The following CALN1 variants were observed in gnomAD, a reference collection of about 807,000 sequenced individuals.
CALN1 encodes the protein calneuron 1.
CALN1 carries 17 observed loss-of-function variants against 30.6 expected under a neutral mutation model. That is an observed-to-expected ratio of 0.56 (90% CI 0.38 to 0.83). CALN1 has a LOEUF of 0.83. CALN1 is among the 40% of genes least tolerant of loss of function. The probability of loss-of-function intolerance (pLI) is 0.00; values close to 1 mark genes in which losing one functional copy is unlikely to be tolerated. For missense variants in CALN1, 291 were observed against 354.9 expected (o/e 0.82, Z 1.45); for synonymous variants, 156 against 131.4 (o/e 1.19, Z -1.28).
At chr7:72,411,898 A>C (rs1807186785) in intron 1 of CALN1, among the ~76,000 whole-genome samples, 160 bp downstream of exon 1, 1 of 152,220 alleles carries the variant, frequency 6.6e-6, no homozygotes, top group African/African-American at 2.4e-5. Context: ...TCTTTTAGAG[A>C]GGTATCATAA....
chr7:72,413,536 C>A (rs1048164267), upstream of CALN1, among the ~76,000 whole-genome samples: 1 of 151,772 alleles, frequency 6.6e-6, no homozygotes, highest in African/African-American at 2.4e-5. Context: ...AACACGCACA[C>A]TCACAAGCTC....
At chr7:71,970,579 T>C (rs1189980997) in intron 5 of CALN1, among the ~76,000 whole-genome samples, 4 of 151,046 alleles carry the variant, frequency 2.6e-5, no homozygotes, top group Non-Finnish European at 4.4e-5. Flanking sequence ...ATCTGCAAAA[T>C]ATACCTTTTT....
In CALN1 at chr7:72,233,276, A is replaced by AG. The variant is rs1290703135; in HGVS notation, c.244+45409dup. On this transcript the variant is annotated intron_variant, in intron 3 of 6. Coordinates refer to ENST00000395275, the MANE Select transcript of CALN1 (RefSeq NM_031468.4). Reference sequence around the variant, plus strand: ...AAGGACCCACTGCAGGGTTGGAAGGAGGAAAAAAAGCAACCCCAAGGACAG... The same window carrying AG: ...AAGGACCCACTGCAGGGTTGGAAGGAGGGAAAAAAAGCAACCCCAAGGACAG... 3.3e-5 allele frequency among the ~76,000 whole-genome samples: 5 copies of AG among 151,644 alleles called. No individual in the cohort carries two copies. The East Asian group carries it at 7.7e-4, about 23-fold the overall frequency.
At chr7:71,834,281 A>G (rs1789476416) in intron 5 of CALN1, among the ~76,000 whole-genome samples, 1 of 148,372 alleles carries the variant, frequency 6.7e-6, no homozygotes, top group Admixed American at 6.8e-5. Context: ...CATAAATGAC[A>G]CAGAGTAAAA....
the CALN1 span, among the ~76,000 whole-genome samples, chr7:72,473,538 G>A: frequency 1.3e-5 from 2 of 152,134 alleles, no homozygotes; most frequent in African/African-American, 4.8e-5. Context: ...TCATGTAAAT[G>A]TAAAATGAAC....
At chr7:72,493,969 C>A in the CALN1 span, among the ~76,000 whole-genome samples, 1 of 152,188 alleles carries the variant, frequency 6.6e-6, no homozygotes, top group Non-Finnish European at 1.5e-5. Context: ...ACAGGAGAAT[C>A]GCTTCAGGCT....
chr7:71,784,247 G>C lies in CALN1; in HGVS notation c.*3528C>G, dbSNP rs1366672171. ...AATAGAAGGACAAGTTCAAATGCCA[G>C]ACAAAAAGGCAGAGATACCACCCAG... is the stretch of plus-strand genomic sequence containing the variant. On this transcript the variant is annotated 3_prime_UTR_variant, in exon 7 of 7. Transcript: ENST00000395275. 6.6e-6 allele frequency: 1 copy of C among 152,156 alleles called. No individual in the cohort carries two copies. The highest frequency in any genetic ancestry group is 1.5e-5 in the Non-Finnish European group (1 of 68,044). 9.4% of individuals were successfully genotyped at this position (152,156 alleles called of 1,614,324 possible).
chr7:72,071,349 C>T (rs1804380806), intron 4 of CALN1, among the ~76,000 whole-genome samples: 1 of 152,166 alleles, frequency 6.6e-6, no homozygotes, highest in East Asian at 1.9e-4. Flanking sequence ...AGCTCCACCC[C>T]ACCCCCAACC....
At chr7:72,177,755 A>AGG (rs1325986580) in intron 3 of CALN1, among the ~76,000 whole-genome samples, 3,022 of 149,338 alleles carry the variant, frequency 0.02, 100 homozygotes, top group African/African-American at 0.063. Context: ...ACAGAGGGAA[A>AGG]AAAAAAAAAA....
At chr7:72,253,800 G>T (rs1233957188) in intron 3 of CALN1, among the ~76,000 whole-genome samples, 2 of 152,186 alleles carry the variant, frequency 1.3e-5, no homozygotes, top group Non-Finnish European at 2.9e-5. Flanking sequence ...GAGTGCAGTA[G>T]CGTGATCCCA....
intron 3 of CALN1, among the ~76,000 whole-genome samples, chr7:72,113,652 C>T (rs1807732177): frequency 6.6e-6 from 1 of 152,194 alleles, no homozygotes; most frequent in African/African-American, 2.4e-5. Context: ...CACAACCATG[C>T]ACATTTGTTT....
At chr7:72,150,872 T>TATGATGATG (rs139046404) in intron 3 of CALN1, among the ~76,000 whole-genome samples, 2,944 of 150,450 alleles carry the variant, frequency 0.02, 33 homozygotes, top group Middle Eastern at 0.021. Context: ...GCTGTGATGA[T>TATGATGATG]ATGATGATGA....
chr7:72,183,865 G>T (rs982558834), intron 3 of CALN1, among the ~76,000 whole-genome samples: 1 of 152,040 alleles, frequency 6.6e-6, no homozygotes, highest in Non-Finnish European at 1.5e-5. Context: ...TGAGGTATAG[G>T]TTGCCTAGCA....
intron 3 of CALN1, among the ~76,000 whole-genome samples, chr7:72,201,573 G>A (rs934982703): frequency 6.6e-6 from 1 of 151,336 alleles, no homozygotes; most frequent in Admixed American, 6.6e-5. Flanking sequence ...ATGACAGAGT[G>A]AGACTCCATT....
chr7:72,395,965 A>G (rs1036839571), intron 2 of CALN1, among the ~76,000 whole-genome samples: 37 of 152,050 alleles, frequency 2.4e-4, no homozygotes, highest in African/African-American at 8.2e-4. Context: ...CTCACCAGAT[A>G]CATTTTGACG....
At chr7:71,884,746 A>C (rs896688842) in intron 5 of CALN1, among the ~76,000 whole-genome samples, 1 of 152,120 alleles carries the variant, frequency 6.6e-6, no homozygotes, top group Non-Finnish European at 1.5e-5. Context: ...ATTACACAAC[A>C]AGGAATCAAA....
chr7:71,961,572 C>A (rs1797249099), intron 5 of CALN1, among the ~76,000 whole-genome samples: 1 of 152,150 alleles, frequency 6.6e-6, no homozygotes, highest in South Asian at 2.1e-4. Flanking sequence ...ACTTCTTTCT[C>A]TCACTATTAA....
intron 5 of CALN1, among the ~76,000 whole-genome samples, chr7:71,902,284 T>C (rs1379702328): frequency 1.3e-5 from 2 of 149,922 alleles, no homozygotes; most frequent in Admixed American, 6.6e-5. Context: ...AAAAAAAACA[T>C]ATAAATGGCC....
chr7:72,002,462 T>A (rs982717594), intron 5 of CALN1, among the ~76,000 whole-genome samples: 4 of 152,186 alleles, frequency 2.6e-5, no homozygotes, highest in Admixed American at 2.6e-4. Flanking sequence ...TTCTAGTGAA[T>A]ACATATCACT....
Sources: gnomAD v4.1 joint callset for allele counts (sites outside exome capture counted in the v4.1 genomes callset) on GRCh38, gnomAD v4.1.1 for gene constraint, MANE v1.5 for transcripts, NCBI Gene and HGNC (gene_info 2026-07-23, HGNC 2026-07-21) for gene names.